The following EYA1 variants were observed in gnomAD, a reference collection of about 807,000 sequenced individuals.
The protein encoded by EYA1 is protein phosphatase EYA1.
Under a neutral mutation model 82.0 loss-of-function variants are expected in EYA1, and 16 were observed. The ratio of observed to expected loss-of-function variants is 0.20; its 90% confidence interval spans 0.13 to 0.30. The LOEUF (loss-of-function observed/expected upper bound fraction) is 0.30, where lower values mean the gene tolerates loss of function less well. Among genes scored for constraint, EYA1 ranks in the 10% least tolerant of loss-of-function variants. The pLI is 1.00. For synonymous variants in EYA1, 261 were observed against 264.4 expected (o/e 0.99, Z 0.12); for missense variants, 633 against 730.7 (o/e 0.87, Z 1.54).
intron 2 of EYA1, among the ~76,000 whole-genome samples, chr8:71,527,471 A>C (rs1484926143): frequency 6.6e-6 from 1 of 152,230 alleles, no homozygotes; most frequent in East Asian, 1.9e-4. Flanking sequence ...AAACAGTCAC[A>C]TTCAAGATGT....
chr8:71,220,869 G>A (rs1024022261), intron 12 of EYA1, among the ~76,000 whole-genome samples: 2 of 152,166 alleles, frequency 1.3e-5, no homozygotes, highest in African/African-American at 4.8e-5. Flanking sequence ...GGGCAGAGGA[G>A]GAGAAGAGTT....
At chr8:71,291,190 G>T (rs1818956694) in intron 9 of EYA1, among the ~76,000 whole-genome samples, 1 of 152,184 alleles carries the variant, frequency 6.6e-6, no homozygotes, top group African/African-American at 2.4e-5. Context: ...TATCCTGCAT[G>T]ACAGGGAAGA....
intron 3 of EYA1, among the ~76,000 whole-genome samples, chr8:71,338,663 C>A (rs191448821): frequency 1.3e-5 from 2 of 152,198 alleles, no homozygotes; most frequent in Non-Finnish European, 2.9e-5. Flanking sequence ...ACAAATATTT[C>A]GTCCATTTGA....
chr8:71,501,784 T>C (rs62508472), intron 2 of EYA1, among the ~76,000 whole-genome samples: 47,258 of 152,078 alleles, frequency 0.31, 7,722 homozygotes, highest in African/African-American at 0.39. Context: ...AGCCGGAAAG[T>C]CAGTTTTTCT....
chr8:71,472,913 G>T (rs1366452748), intron 2 of EYA1, among the ~76,000 whole-genome samples: 2 of 150,688 alleles, frequency 1.3e-5, no homozygotes, highest in African/African-American at 4.9e-5. Flanking sequence ...GTATAATTGG[G>T]GTGGGAGAAG....
At chr8:71,365,646 T>C (rs1202799731), upstream of EYA1, among the ~76,000 whole-genome samples, 1 of 152,190 alleles carries the variant, frequency 6.6e-6, no homozygotes, top group Non-Finnish European at 1.5e-5. Flanking sequence ...TTTCTTATGG[T>C]CCATGCCATG....
rs537346499 is a variant in EYA1, at chr8:71,431,497, C to T, written c.34-74986G>A. Among the ~76,000 whole-genome samples the T allele has an allele frequency of 1.1e-3, 170 of 152,150 alleles. 1 individual carries two copies. The highest frequency in any genetic ancestry group is 3.8e-3 in the African/African-American group (157 of 41,500). ...ACTCTGCCTAGTCCCTGATACCCTCCCTCTTCAAAAAAAGAAAAACAAAAG... is the reference window on the plus strand; with the variant it reads ...ACTCTGCCTAGTCCCTGATACCCTCTCTCTTCAAAAAAAGAAAAACAAAAG... On this transcript the variant is annotated intron_variant, in intron 2 of 18. Transcript: ENST00000643681.
chr8:71,425,938 T>C (rs6983142), intron 2 of EYA1, among the ~76,000 whole-genome samples: 5,457 of 152,242 alleles, frequency 0.036, 330 homozygotes, highest in African/African-American at 0.12. Flanking sequence ...AGGTCTGGGA[T>C]GGCAGAAAAG....
intron 2 of EYA1, among the ~76,000 whole-genome samples, chr8:71,376,706 G>A (rs1201956981): frequency 6.6e-6 from 1 of 152,208 alleles, no homozygotes; most frequent in Admixed American, 6.5e-5. Flanking sequence ...CAGTCTCTCC[G>A]CGTAAACAAG....
chr8:71,225,286 T>A, intron 12 of EYA1: 1 of 456,248 alleles, frequency 2.2e-6, no homozygotes, highest in Non-Finnish European at 4.4e-6. Flanking sequence ...CATCATGGAC[T>A]CTCTGGAAGC....
At chr8:71,369,220 A>C (rs1223323208) in intron 2 of EYA1, among the ~76,000 whole-genome samples, 7 of 151,832 alleles carry the variant, frequency 4.6e-5, no homozygotes, top group African/African-American at 7.3e-5. Flanking sequence ...AAAAAAAAAA[A>C]AAACTTCTTA....
intron 4 of EYA1, among the ~76,000 whole-genome samples, chr8:71,331,773 C>A (rs1014300218): frequency 6.6e-6 from 1 of 152,140 alleles, no homozygotes; most frequent in Non-Finnish European, 1.5e-5. Context: ...GTGTACAGAT[C>A]CACATTATTG....
At chr8:71,395,776 G>T (rs552681882) in intron 2 of EYA1, among the ~76,000 whole-genome samples, 1 of 151,998 alleles carries the variant, frequency 6.6e-6, no homozygotes, top group Non-Finnish European at 1.5e-5. Flanking sequence ...TCTCTGCCAG[G>T]GTTTGGTATC....
chr8:71,324,673 C>T (rs557308046), intron 4 of EYA1, among the ~76,000 whole-genome samples: 61 of 152,298 alleles, frequency 4.0e-4, no homozygotes, highest in African/African-American at 1.3e-3. Flanking sequence ...AGTAAAGTAA[C>T]GTATCTAAGC....
intron 12 of EYA1, chr8:71,225,292 G>A (rs1293228156): frequency 2.2e-6 from 1 of 456,216 alleles, no homozygotes; most frequent in Non-Finnish European, 4.4e-6. Context: ...GGACTCTCTG[G>A]AAGCCCTTGA....
intron 4 of EYA1, chr8:71,322,597 T>C (rs1822703146): frequency 2.9e-6 from 1 of 340,792 alleles, no homozygotes; most frequent in Admixed American, 4.1e-5. Context: ...GGCTACTGTT[T>C]GGAAAGCTGT....
chr8:71,235,612 T>C (rs1332455318), intron 12 of EYA1, among the ~76,000 whole-genome samples: 1 of 152,196 alleles, frequency 6.6e-6, no homozygotes, highest in African/African-American at 2.4e-5. Context: ...TTTGTTTACA[T>C]ACTGTTTATT....
chr8:71,312,322 C>T (rs1031178), intron 7 of EYA1, among the ~76,000 whole-genome samples: 14,790 of 152,210 alleles, frequency 0.097, 959 homozygotes, highest in South Asian at 0.22. Context: ...TGTACAACAA[C>T]GAGGTCTGAC....
At chr8:71,330,852 T>TGG (rs1491348746) in intron 4 of EYA1, among the ~76,000 whole-genome samples, 3 of 42,192 alleles carry the variant, frequency 7.1e-5, no homozygotes, top group Admixed American at 4.2e-4. Flanking sequence ...CTTGATTTCT[T>TGG]GTGTGTGTGT....
Sources: gnomAD v4.1 joint callset for allele counts (sites outside exome capture counted in the v4.1 genomes callset) on GRCh38, gnomAD v4.1.1 for gene constraint, MANE v1.5 for transcripts, NCBI Gene and HGNC (gene_info 2026-07-23, HGNC 2026-07-21) for gene names.